Variants in FUS observed in about 807,000 individuals in gnomAD.
The protein encoded by FUS is FUS RNA binding protein.
FUS carries 5 observed loss-of-function variants against 82.7 expected under a neutral mutation model. The observed-to-expected ratio is 0.06, with a 90% CI of 0.03 to 0.13. FUS has a LOEUF of 0.13. Among genes scored for constraint, FUS ranks in the 10% least tolerant of loss-of-function variants. The probability of loss-of-function intolerance (pLI) is 1.00; values close to 1 mark genes in which losing one functional copy is unlikely to be tolerated. For missense variants in FUS, 512 were observed against 707.8 expected (o/e 0.72, Z 3.14); for synonymous variants, 281 against 247.4 (o/e 1.14, Z -1.27).
intron 1 of FUS, among the ~76,000 whole-genome samples, chr16:31,181,261 GA>G (rs2144096026): frequency 6.6e-6 from 1 of 152,340 alleles, no homozygotes; most frequent in African/African-American, 2.4e-5. Context: ...ACGGCCGCCC[GA>G]GGCCACACCC....
At position 31,191,033 on chromosome 16, in the gene FUS, C is replaced by T. The variant is rs150529460; in HGVS notation, c.1464C>T (p.Gly488=). Residue 488 remains glycine (G), a synonymous_variant, in exon 14 of 15, where the codon GGC becomes GGT. Coordinates refer to ENST00000254108, the MANE Select transcript of FUS (RefSeq NM_004960.4). ...GYDRGGYRGR[G]GDRGGFRGGR... ...ATCGAGGCGGCTACCGGGGCCGCGG[C>T]GGGGACCGTGGAGGCTTCCGAGGGG... 780 of 1,611,786 alleles carry T rather than the reference C, an allele frequency of 4.8e-4. 4 individuals are homozygous for T. The Admixed American group carries it at 6.1e-3, about 13-fold the overall frequency.
chr16:31,191,311 G>A (rs556052095), intron 14 of FUS, 88 bp from the exon 15 acceptor site: 1 of 1,553,370 alleles, frequency 6.4e-7, no homozygotes, highest in African/African-American at 1.4e-5. Context: ...CGCTGGGTTA[G>A]GTAGGAGGGG....
At chr16:31,184,158 A>ATT (rs752545031) in intron 4 of FUS, 51 bp from the exon 5 acceptor site, 4 of 1,614,028 alleles carry the variant, frequency 2.5e-6, no homozygotes, top group Non-Finnish European at 2.5e-6. Flanking sequence ...GTGAAAGGAA[A>ATT]TTGGGGGCTA....
At position 31,190,023 on chromosome 16, in the gene FUS, AT is replaced by A; in HGVS notation, c.1067-11del. 1 of 1,602,626 alleles carries A rather than the reference AT, an allele frequency of 6.2e-7. No individual in the cohort carries two copies. Among genetic ancestry groups the A allele is most frequent in the Non-Finnish European group, 8.5e-7 (1 of 1,173,554 alleles). ...GTCTTGCATTTAAAGTCTGTTGATG[AT>A]TTTTTGTTTCTCTAGGTAAAGAATT... On this transcript the variant is annotated splice_polypyrimidine_tract_variant and intron_variant, in intron 10 of 14. Transcript: ENST00000254108.
Position 31,188,355 on chromosome 16 carries a change from C to G in FUS, c.830C>G (p.Ser277Cys). The part of the protein sequence containing the change: ...GPRDQGSRHD[S>C]EQDNSDNNTI... ...CGGGACCAAGGATCACGTCATGACT[C>G]CGGTGAGTTCACACGTGGTGGCATG... Residue 277 changes from serine to cysteine, a missense_variant and splice_region_variant, in exon 8 of 15, where the codon TCC becomes TGC. By Grantham distance (112) the Ser-to-Cys change is moderately radical (BLOSUM62 -1). Coordinates refer to ENST00000254108, the MANE Select transcript of FUS (RefSeq NM_004960.4). 1 of 1,613,262 alleles carries G rather than the reference C, an allele frequency of 6.2e-7. No individual in the cohort carries two copies.
In FUS at chr16:31,184,290, G is replaced by A; in HGVS notation, c.417G>A (p.Gln139=). The A allele has an allele frequency of 6.2e-7, 1 of 1,613,966 alleles. No individual in the cohort carries two copies. Among genetic ancestry groups the A allele is most frequent in the Non-Finnish European group, 8.5e-7 (1 of 1,179,866 alleles). ...SYSQQPSYGG[Q]QQSYGQQQSY... The stretch of plus-strand genomic sequence containing the variant: ...GCCAGCAGCCTAGCTATGGTGGACA[G>A]CAGCAAAGCTATGGACAGCAGCAAA... The change falls in exon 5 of 15, where the codon CAG becomes CAA. Residue 139 remains glutamine (Q), a synonymous_variant. Coordinates refer to ENST00000254108, the MANE Select transcript of FUS (RefSeq NM_004960.4).
chr16:31,184,450 T>C (rs2079230316), intron 5 of FUS, 54 bp downstream of exon 5: 1 of 1,509,584 alleles, frequency 6.6e-7, no homozygotes, highest in Non-Finnish European at 9.0e-7. Flanking sequence ...TTTTTTTTTT[T>C]TTTTTGAGAC....
chr16:31,188,397 T>TA (rs1218432426), intron 8 of FUS, 40 bp downstream of exon 8: 3 of 1,607,466 alleles, frequency 1.9e-6, no homozygotes, highest in Non-Finnish European at 2.6e-6. Flanking sequence ...GTGGCTAAAG[T>TA]GGTATCAAGA....
At chr16:31,182,287 G>A in intron 1 of FUS, 111 bp from the exon 2 acceptor site, 2 of 1,287,474 alleles carry the variant, frequency 1.6e-6, no homozygotes, top group Admixed American at 1.7e-5. Flanking sequence ...CACCGTGCCT[G>A]GCCTACGTGG....
chr16:31,194,623 A>G (rs1406314738), downstream of FUS: 2 of 490,880 alleles, frequency 4.1e-6, no homozygotes, highest in Non-Finnish European at 8.0e-6. Flanking sequence ...TTTATTTTTA[A>G]TTAACTTGTA....
chr16:31,186,105 TG>T (rs1364964517), intron 6 of FUS: 1 of 238,562 alleles, frequency 4.2e-6, no homozygotes, highest in Admixed American at 5.2e-5. Flanking sequence ...AATGTGTGCG[TG>T]TGTTTAATGC....
At chr16:31,193,636 C>A (rs1475592004), downstream of FUS, 2 of 529,804 alleles carry the variant, frequency 3.8e-6, no homozygotes, top group Non-Finnish European at 7.3e-6. Context: ...GAAATAGGGT[C>A]CCAGGTGACT....
downstream of FUS, chr16:31,193,065 C>T (rs998140830): frequency 4.1e-5 from 20 of 483,998 alleles, no homozygotes; most frequent in African/African-American, 2.9e-4. Flanking sequence ...TGGGTTCAAG[C>T]GATAGCTGGG....
At chr16:31,193,040 G>A (rs779348261), downstream of FUS, 20 of 484,278 alleles carry the variant, frequency 4.1e-5, no homozygotes, top group African/African-American at 2.7e-4. Context: ...TCGGCTTACC[G>A]CAACTGCCGC....
chr16:31,186,866 A>G, intron 7 of FUS, 30 bp downstream of exon 7: 1 of 1,596,128 alleles, frequency 6.3e-7, no homozygotes, highest in Non-Finnish European at 8.6e-7. Context: ...AAAATTCCCA[A>G]CTCCCAGCAA....
At chr16:31,192,570 T>C (rs998352264), downstream of FUS, 5 of 491,590 alleles carry the variant, frequency 1.0e-5, no homozygotes, top group Non-Finnish European at 2.0e-5. Flanking sequence ...TTTTTATTTT[T>C]TATTTTTAGA....
At position 31,190,963 on chromosome 16, in the gene FUS, G is replaced by C. The variant is rs141684472; in HGVS notation, c.1394G>C (p.Gly465Ala). The C allele has an allele frequency of 2.5e-6, 4 of 1,612,512 alleles. No individual in the cohort carries two copies. The South Asian group carries it at 4.4e-5, about 18-fold the overall frequency. ...PGGGPGGSHM[G>A]GNYGDDRRGG... is the part of the protein sequence containing the mutation. ...ATAGATCTTGTTTCTTTTGTCCTAGGGGGTAACTACGGGGATGATCGTCGT... is the reference window on the plus strand; with the variant it reads ...ATAGATCTTGTTTCTTTTGTCCTAGCGGGTAACTACGGGGATGATCGTCGT... The change falls in exon 14 of 15, where the codon GGG becomes GCG. Residue 465 changes from glycine to alanine, a missense_variant and splice_region_variant. Around this residue, in one of 6 missense-constraint regions of FUS, gnomAD observed 96 missense variants for 120.7 expected, o/e 0.80. Coordinates refer to ENST00000254108, the MANE Select transcript of FUS (RefSeq NM_004960.4).
At chr16:31,194,217 T>TA (rs1455863231), downstream of FUS, 8 of 531,642 alleles carry the variant, frequency 1.5e-5, no homozygotes, top group South Asian at 1.1e-4. Flanking sequence ...AATTAAGGTC[T>TA]AGGGTCCAGC....
At chr16:31,194,379 C>T, downstream of FUS, 1 of 516,844 alleles carries the variant, frequency 1.9e-6, no homozygotes, top group Non-Finnish European at 3.8e-6. Flanking sequence ...ACCTCTGCCT[C>T]CCACCCGCAA....
Sources: gnomAD v4.1 joint callset for allele counts (sites outside exome capture counted in the v4.1 genomes callset) on GRCh38, gnomAD v4.1.1 for gene constraint, gnomAD v4.1.1 regional missense constraint, MANE v1.5 for transcripts, NCBI Gene and HGNC (gene_info 2026-07-23, HGNC 2026-07-21) for gene names.